Variants in SPAG16 observed in about 807,000 individuals in gnomAD.
SPAG16 encodes the protein sperm-associated antigen 16 protein.
A neutral mutation model predicts 80.4 loss-of-function variants in SPAG16; 86 were observed. The observed-to-expected ratio is 1.07, with a 90% CI of 0.90 to 1.28. The LOEUF (loss-of-function observed/expected upper bound fraction) is 1.28. Among genes scored for constraint, SPAG16 ranks in the 50% most tolerant of loss-of-function variants. The pLI, the probability that SPAG16 is intolerant of heterozygous loss-of-function variation, is 0.00. For synonymous variants in SPAG16, 294 were observed against 265.9 expected (o/e 1.11, Z -1.03); for missense variants, 870 against 765.3 (o/e 1.14, Z -1.61).
At chr2:213,954,392 A>G (rs1270016292) in intron 12 of SPAG16, among the ~76,000 whole-genome samples, 4 of 152,140 alleles carry the variant, frequency 2.6e-5, no homozygotes, top group Non-Finnish European at 5.9e-5. Context: ...TGTGTCATAT[A>G]GATATACCAC....
intron 10 of SPAG16, among the ~76,000 whole-genome samples, chr2:213,573,969 G>A (rs1019089092): frequency 1.3e-5 from 2 of 152,064 alleles, no homozygotes; most frequent in South Asian, 4.1e-4. Context: ...GTATGAAGGA[G>A]GTAAGGTCTG....
intron 10 of SPAG16, among the ~76,000 whole-genome samples, chr2:213,737,779 C>T (rs2067359624): frequency 6.6e-6 from 1 of 152,104 alleles, no homozygotes; most frequent in Non-Finnish European, 1.5e-5. Context: ...TGAGCCACCG[C>T]GCCTGGCCTC....
intron 10 of SPAG16, among the ~76,000 whole-genome samples, chr2:213,682,233 A>G (rs1243219754): frequency 6.6e-6 from 1 of 152,190 alleles, no homozygotes; most frequent in African/African-American, 2.4e-5. Flanking sequence ...GACAACTGGA[A>G]TTGCAGGTTA....
chr2:213,868,630 T>C (rs1243626669), intron 11 of SPAG16, among the ~76,000 whole-genome samples: 1 of 152,340 alleles, frequency 6.6e-6, no homozygotes, highest in East Asian at 1.9e-4. Context: ...TTTTCTTCTG[T>C]ATGACCACAG....
At chr2:214,095,699 C>T (rs1370606155) in intron 13 of SPAG16, among the ~76,000 whole-genome samples, 1 of 151,896 alleles carries the variant, frequency 6.6e-6, no homozygotes, top group East Asian at 1.9e-4. Flanking sequence ...GAAGTAAATA[C>T]TATCATATAA....
chr2:213,868,016 T>A (rs1402763546), intron 11 of SPAG16, among the ~76,000 whole-genome samples: 2 of 151,616 alleles, frequency 1.3e-5, no homozygotes, highest in African/African-American at 4.8e-5. Flanking sequence ...GAGGCAATTG[T>A]GTTTTCTGGA....
At chr2:213,855,429 C>T (rs1363814792) in intron 10 of SPAG16, among the ~76,000 whole-genome samples, 1 of 152,194 alleles carries the variant, frequency 6.6e-6, no homozygotes, top group South Asian at 2.1e-4. Flanking sequence ...CCAGTTCCTC[C>T]ACCTGGAAAA....
At chr2:213,883,056 CG>C (rs2076412118) in intron 11 of SPAG16, among the ~76,000 whole-genome samples, 1 of 151,868 alleles carries the variant, frequency 6.6e-6, no homozygotes, top group African/African-American at 2.4e-5. Context: ...TTAGTAGAGA[CG>C]GGGTTTCACC....
chr2:214,287,925 C>T (rs35058987), intron 15 of SPAG16, among the ~76,000 whole-genome samples: 24,741 of 152,078 alleles, frequency 0.16, 2,243 homozygotes, highest in African/African-American at 0.25. Flanking sequence ...GTTAGTAACA[C>T]GTCAAGTCCT....
chr2:213,866,983 A>G (rs1267051269), intron 11 of SPAG16, among the ~76,000 whole-genome samples: 3 of 147,952 alleles, frequency 2.0e-5, no homozygotes, highest in Non-Finnish European at 4.5e-5. Flanking sequence ...AAAAATTGCA[A>G]GTCTTCAAAA....
intron 15 of SPAG16, among the ~76,000 whole-genome samples, chr2:214,200,853 C>T (rs191268222): frequency 6.7e-4 from 102 of 152,234 alleles, no homozygotes; most frequent in African/African-American, 2.4e-3. Context: ...CTCCTTTTTC[C>T]CCAGCCCATT....
At chr2:214,268,306 T>G (rs1414053222) in intron 15 of SPAG16, among the ~76,000 whole-genome samples, 1 of 151,838 alleles carries the variant, frequency 6.6e-6, no homozygotes, top group Non-Finnish European at 1.5e-5. Flanking sequence ...TATATATATA[T>G]CCAAAGGAAC....
chr2:213,824,683 A>C (rs1238757551), intron 10 of SPAG16, among the ~76,000 whole-genome samples: 1 of 152,080 alleles, frequency 6.6e-6, no homozygotes, highest in Non-Finnish European at 1.5e-5. Flanking sequence ...TGATTCCTCT[A>C]ATTTTGTTCT....
intron 12 of SPAG16, among the ~76,000 whole-genome samples, chr2:213,979,102 G>A (rs2045563189): frequency 6.6e-6 from 1 of 151,760 alleles, no homozygotes; most frequent in Non-Finnish European, 1.5e-5. Flanking sequence ...ATATTCTATT[G>A]GTTACAGTGA....
chr2:214,202,391 G>A (rs1158835697), intron 15 of SPAG16, among the ~76,000 whole-genome samples: 1 of 152,100 alleles, frequency 6.6e-6, no homozygotes, highest in Admixed American at 6.6e-5. Context: ...GACTTTGAAG[G>A]ACATAAATGA....
chr2:213,830,035 C>A (rs1450360622), intron 10 of SPAG16, among the ~76,000 whole-genome samples: 3 of 152,094 alleles, frequency 2.0e-5, no homozygotes, highest in African/African-American at 7.2e-5. Context: ...GTCACACGAC[C>A]CCAAGTCCAC....
intron 9 of SPAG16, among the ~76,000 whole-genome samples, chr2:213,440,559 C>T (rs1559135558): frequency 6.9e-6 from 1 of 144,762 alleles, no homozygotes; most frequent in African/African-American, 2.5e-5. Flanking sequence ...CATCTCAAAA[C>T]AACAACAACA....
At chr2:213,337,434 G>A (rs897283249) in intron 5 of SPAG16, among the ~76,000 whole-genome samples, 1 of 152,116 alleles carries the variant, frequency 6.6e-6, no homozygotes, top group Non-Finnish European at 1.5e-5. Context: ...CTGAGCTAAA[G>A]AATTATGTTC....
At chr2:213,859,971 T>C (rs1328999730) in intron 10 of SPAG16, among the ~76,000 whole-genome samples, 3 of 150,090 alleles carry the variant, frequency 2.0e-5, no homozygotes, top group African/African-American at 7.3e-5. Flanking sequence ...TTTCAAACAA[T>C]GTTAAATATC....
Sources: gnomAD v4.1 joint callset for allele counts (sites outside exome capture counted in the v4.1 genomes callset) on GRCh38, gnomAD v4.1.1 for gene constraint, MANE v1.5 for transcripts, NCBI Gene and HGNC (gene_info 2026-07-23, HGNC 2026-07-21) for gene names.